The following RBM25 variants were observed in gnomAD, a reference collection of about 807,000 sequenced individuals.
RBM25 encodes RNA binding motif protein 25.
In RBM25, 19 loss-of-function variants were observed where a neutral mutation model predicts 120.7. That is an observed-to-expected ratio of 0.16 (90% confidence interval 0.11 to 0.23). The LOEUF is 0.23. RBM25 is among the 10% of genes least tolerant of loss of function. The pLI is 1.00. For synonymous variants in RBM25, 390 were observed against 326.7 expected (o/e 1.19, Z -2.09); for missense variants, 605 against 1,041.5 (o/e 0.58, Z 5.77).
intron 4 of RBM25, 42 bp from the exon 5 acceptor site, chr14:73,083,452 T>C (rs773040805): frequency 1.4e-6 from 2 of 1,438,782 alleles, no homozygotes; most frequent in South Asian, 2.7e-5. Context: ...AAAATTATTT[T>C]GTTAAATGGT....
At chr14:73,103,984 ACACACACACACT>A (rs1896123201) in intron 10 of RBM25, among the ~76,000 whole-genome samples, 13 of 114,794 alleles carry the variant, frequency 1.1e-4, no homozygotes, top group South Asian at 2.8e-4. Context: ...ACACACACAC[ACACACACACACT>A]CTCTCTCTCT....
In RBM25 at chr14:73,062,309, C is replaced by T. The variant is rs538487770; in HGVS notation, c.-16+3604C>T. On this transcript the variant is annotated intron_variant, in intron 1 of 18. Coordinates refer to ENST00000261973, the MANE Select transcript of RBM25 (RefSeq NM_021239.3). ...CCCATTCTTCTTTGGGCATAAAACA[C>T]TTTTTTTTTTCTAGGAATAATTCCT... 5.4e-5 allele frequency among the ~76,000 whole-genome samples: 8 copies of T among 148,970 alleles called. No homozygotes were observed. In the South Asian group the frequency reaches 1.3e-3, roughly 24 times the overall value.
chr14:73,108,872 CTAGA>C (rs1896245187), intron 13 of RBM25, among the ~76,000 whole-genome samples: 1 of 152,182 alleles, frequency 6.6e-6, no homozygotes, highest in Non-Finnish European at 1.5e-5. Flanking sequence ...TAATGAACTG[CTAGA>C]TAGGAGAGAA....
chr14:73,103,007 T>C (rs1896084929), intron 9 of RBM25, 185 bp from the exon 10 acceptor site: 23 of 1,298,326 alleles, frequency 1.8e-5, no homozygotes, highest in Non-Finnish European at 2.4e-5. Context: ...AGTATATGGT[T>C]TTGCACGAAA....
chr14:73,097,861 C>T (rs928314251), intron 7 of RBM25, among the ~76,000 whole-genome samples: 2 of 152,212 alleles, frequency 1.3e-5, no homozygotes, highest in Admixed American at 1.3e-4. Flanking sequence ...TGATTGCTAC[C>T]TCTTTGTGGC....
chr14:73,103,022 T>C, intron 9 of RBM25, 170 bp from the exon 10 acceptor site: 1 of 1,386,518 alleles, frequency 7.2e-7, no homozygotes, highest in East Asian at 2.3e-5. Flanking sequence ...ACGAAATCTT[T>C]CTAGTCTTGT....
chr14:73,066,646 CA>C (rs139152316), intron 1 of RBM25, among the ~76,000 whole-genome samples: 66,773 of 121,044 alleles, frequency 0.55, 17,342 homozygotes, highest in East Asian at 0.7. Context: ...GACTCCATCT[CA>C]AAAAAAAAAA....
At position 73,058,589 on chromosome 14, in the gene RBM25, G is replaced by C. The variant is rs953844834; in HGVS notation, c.-132G>C. 1 of 152,192 alleles carries C rather than the reference G, an allele frequency of 6.6e-6. No homozygotes were observed. Among genetic ancestry groups the C allele is most frequent in the Non-Finnish European group, 1.5e-5 (1 of 68,042 alleles). 9.4% of individuals were successfully genotyped at this position (152,192 alleles called of 1,614,324 possible). A position where few individuals can be genotyped will look rare whatever the true frequency, so the allele number is the denominator to read the frequency against. ...CTGTATTTGCGGCCTGTGCGAGTAG[G>C]CGCTTGGGCACTCAGTCTCCCTGGC... On this transcript the variant is annotated 5_prime_UTR_variant, in exon 1 of 19. Coordinates refer to ENST00000261973, the MANE Select transcript of RBM25 (RefSeq NM_021239.3).
At chr14:73,086,649 T>C (rs1441166854) in intron 5 of RBM25, among the ~76,000 whole-genome samples, 1 of 152,178 alleles carries the variant, frequency 6.6e-6, no homozygotes, top group Non-Finnish European at 1.5e-5. Flanking sequence ...ATTGCACATA[T>C]AACAGTTTCA....
At position 73,097,191 on chromosome 14, in the gene RBM25, C is replaced by CTTTTTTTTTT. The variant is rs202085217; in HGVS notation, c.729+95_729+96insTTTTTTTTTT. Reference sequence around the variant, plus strand: ...TGATTACATGTCAGTTTTCTTTTTTCTTTTCTTTTTTTTTTTTTTTTTTTT... The same window carrying CTTTTTTTTTT: ...TGATTACATGTCAGTTTTCTTTTTTCTTTTTTTTTTTTTTCTTTTTTTTTTTTTTTTTTTT... On this transcript the variant is annotated intron_variant, in intron 7 of 18. Transcript: ENST00000261973. 3.5e-5 allele frequency: 13 copies of CTTTTTTTTTT among 375,696 alleles called. 1 individual carries two copies. Among genetic ancestry groups the CTTTTTTTTTT allele is most frequent in the African/African-American group, 2.5e-4 (9 of 35,488 alleles). 23.3% of individuals were successfully genotyped at this position (375,696 alleles called of 1,614,324 possible).
intron 5 of RBM25, among the ~76,000 whole-genome samples, chr14:73,086,233 A>C (rs1566589383): frequency 6.6e-6 from 1 of 151,676 alleles, no homozygotes; most frequent in Non-Finnish European, 1.5e-5. Flanking sequence ...GGGTCAAGAG[A>C]TCAAGACCAT....
At chr14:73,059,522 A>G (rs1894949647) in intron 1 of RBM25, 1 of 152,184 alleles carries the variant, frequency 6.6e-6, no homozygotes, top group Non-Finnish European at 1.5e-5. Flanking sequence ...TTGTATTGCC[A>G]TGGAAATGCC....
At chr14:73,099,240 C>T (rs1255290160) in intron 7 of RBM25, 140 bp from the exon 8 acceptor site, 3 of 721,166 alleles carry the variant, frequency 4.2e-6, no homozygotes, top group Non-Finnish European at 6.6e-6. Context: ...ACTTCTATTC[C>T]CAAGTAATTT....
At chr14:73,072,516 C>T (rs2140428097) in intron 2 of RBM25, among the ~76,000 whole-genome samples, 1 of 152,098 alleles carries the variant, frequency 6.6e-6, no homozygotes, top group African/African-American at 2.4e-5. Context: ...ATGTTCAGAC[C>T]CTGCTCCATC....
intron 5 of RBM25, among the ~76,000 whole-genome samples, chr14:73,084,028 G>T (rs142416217): frequency 0.023 from 3,438 of 151,936 alleles, 135 homozygotes; most frequent in African/African-American, 0.076. Context: ...CTCCTGAGTA[G>T]CTGGGATTAC....
intron 9 of RBM25, chr14:73,101,902 T>C (rs1896063725): frequency 6.6e-6 from 1 of 152,414 alleles, no homozygotes; most frequent in Non-Finnish European, 1.5e-5. Flanking sequence ...CTGTCCTCTT[T>C]CTATCATATC....
At chr14:73,084,461 A>T (rs1895637328) in intron 5 of RBM25, among the ~76,000 whole-genome samples, 1 of 152,198 alleles carries the variant, frequency 6.6e-6, no homozygotes, top group Non-Finnish European at 1.5e-5. Flanking sequence ...CTCCAGTACT[A>T]TAATTTGCCA....
At position 73,110,896 on chromosome 14, in the gene RBM25, G is replaced by A; in HGVS notation, c.1758G>A (p.Glu586=). Residue 586 remains glutamate (E), a synonymous_variant, in exon 15 of 19, where the codon GAG becomes GAA. Transcript: ENST00000261973. The stretch of plus-strand genomic sequence containing the variant: ...AGCAAGAGCCAGAATCAGAAGAGGA[G>A]GAAGAAGAAAAGCAAGAAAAAGAAG... The part of the protein sequence containing the change: ...QIKQEPESEE[E]EEEKQEKEEK... 2 of 1,613,106 alleles carry A rather than the reference G, an allele frequency of 1.2e-6. No individual in the cohort carries two copies. The highest frequency in any genetic ancestry group is 2.2e-5 in the East Asian group (1 of 44,864).
chr14:73,073,395 T>A (rs1041169370), intron 2 of RBM25, among the ~76,000 whole-genome samples: 1 of 152,142 alleles, frequency 6.6e-6, no homozygotes, highest in Non-Finnish European at 1.5e-5. Flanking sequence ...AATCATAATT[T>A]AAAAAAATCA....
Sources: gnomAD v4.1 joint callset for allele counts (sites outside exome capture counted in the v4.1 genomes callset) on GRCh38, gnomAD v4.1.1 for gene constraint, MANE v1.5 for transcripts, NCBI Gene and HGNC (gene_info 2026-07-23, HGNC 2026-07-21) for gene names.